CEP128: variants seen among roughly 807,000 people sequenced by gnomAD.
The protein encoded by CEP128 is centrosomal protein 128kDa.
A neutral mutation model predicts 156.7 loss-of-function variants in CEP128; 132 were observed. The ratio of observed to expected loss-of-function variants is 0.84; its 90% confidence interval spans 0.73 to 0.97. The LOEUF is 0.97. CEP128 is among the 50% of genes least tolerant of loss of function. The probability of loss-of-function intolerance (pLI) is 0.00; values close to 1 mark genes in which losing one functional copy is unlikely to be tolerated. For synonymous variants in CEP128, 469 were observed against 448.9 expected (o/e 1.04, Z -0.57); for missense variants, 1,252 against 1,281.9 (o/e 0.98, Z 0.36).
At chr14:80,560,617 A>G in intron 20 of CEP128, among the ~76,000 whole-genome samples, 1 of 152,120 alleles carries the variant, frequency 6.6e-6, no homozygotes, top group African/African-American at 2.4e-5. Flanking sequence ...CATTTTAGTC[A>G]GTGGGCTGAG....
chr14:80,593,554 A>AG (rs1892177725), intron 19 of CEP128, among the ~76,000 whole-genome samples: 1 of 151,188 alleles, frequency 6.6e-6, no homozygotes, highest in African/African-American at 2.4e-5. Flanking sequence ...CTCAAAAAAA[A>AG]AAAAAAAAAA....
At chr14:80,892,108 T>A (rs1207288213) in intron 8 of CEP128, among the ~76,000 whole-genome samples, 1 of 151,242 alleles carries the variant, frequency 6.6e-6, no homozygotes, top group Non-Finnish European at 1.5e-5. Flanking sequence ...CTAAAACAAT[T>A]CCAAGAATGA....
rs150305570 is a variant in CEP128, at chr14:80,559,589, G to T, written c.2857-287C>A. Among the ~76,000 whole-genome samples the T allele has an allele frequency of 2.9e-3, 439 of 152,206 alleles. 12 individuals carry two copies. The East Asian group carries it at 0.06, about 21-fold the overall frequency. On this transcript the variant is annotated intron_variant, in intron 20 of 24. Coordinates refer to ENST00000555265, the MANE Select transcript of CEP128 (RefSeq NM_152446.5). Reference sequence around the variant, plus strand: ...AATAGAACCTACCATTTTTGTAATGGTAAGATTATTTATAAGATGTAAAAT... The same window carrying T: ...AATAGAACCTACCATTTTTGTAATGTTAAGATTATTTATAAGATGTAAAAT...
intron 13 of CEP128, among the ~76,000 whole-genome samples, chr14:80,817,120 G>GC (rs1374105551): frequency 6.6e-6 from 1 of 152,076 alleles, no homozygotes; most frequent in Admixed American, 6.5e-5. Context: ...ATCCCAGACA[G>GC]CAATAGAGAC....
At chr14:80,651,101 T>G (rs1894883376) in intron 19 of CEP128, among the ~76,000 whole-genome samples, 1 of 152,138 alleles carries the variant, frequency 6.6e-6, no homozygotes, top group African/African-American at 2.4e-5. Context: ...TGAGAATTTG[T>G]TATTGGTCTA....
chr14:80,875,972 G>A lies in CEP128; in HGVS notation c.646-13099C>T, dbSNP rs374692235. 5.4e-4 allele frequency among the ~76,000 whole-genome samples: 82 copies of A among 152,064 alleles called. 2 individuals carry two copies. The South Asian group carries it at 9.1e-3, about 17-fold the overall frequency. On this transcript the variant is annotated intron_variant, in intron 8 of 24. Coordinates refer to ENST00000555265, the MANE Select transcript of CEP128 (RefSeq NM_152446.5). ...ACAAAATAGCATAAAAGTGAAAAGC[G>A]GGGTTTATGGAGTTGAGGTGCTATA...
Position 80,527,102 on chromosome 14 carries a change from T to G in CEP128, c.2959-120A>C. The G allele has an allele frequency of 5.1e-6, 3 of 582,914 alleles. No homozygotes were observed. In the South Asian group the frequency reaches 6.7e-5, roughly 13 times the overall value. 36.1% of individuals were successfully genotyped at this position (582,914 alleles called of 1,614,324 possible). ...ATGAAAATAAATAATTACAAAAATT[T>G]AGAGATATATAGGAGAATCACAGGC... On this transcript the variant is annotated intron_variant, in intron 22 of 24. Coordinates refer to ENST00000555265, the MANE Select transcript of CEP128 (RefSeq NM_152446.5).
At chr14:80,941,149 T>C (rs1222573933) in intron 1 of CEP128, among the ~76,000 whole-genome samples, 1 of 151,706 alleles carries the variant, frequency 6.6e-6, no homozygotes, top group African/African-American at 2.4e-5. Flanking sequence ...TTCCCGAGAG[T>C]AGCACGCTTT....
At chr14:80,608,418 T>C (rs1262572365) in intron 19 of CEP128, among the ~76,000 whole-genome samples, 1 of 152,178 alleles carries the variant, frequency 6.6e-6, no homozygotes, top group Non-Finnish European at 1.5e-5. Flanking sequence ...TTGAACTTTA[T>C]ACAACACAGA....
chr14:80,715,075 T>G (rs1422996818), intron 19 of CEP128, among the ~76,000 whole-genome samples: 1 of 151,864 alleles, frequency 6.6e-6, no homozygotes, highest in Non-Finnish European at 1.5e-5. Flanking sequence ...ATACAAAAAT[T>G]AGCTGGGAGT....
chr14:80,655,034 T>A (rs570363403), intron 19 of CEP128, among the ~76,000 whole-genome samples: 2 of 152,242 alleles, frequency 1.3e-5, no homozygotes, highest in Non-Finnish European at 2.9e-5. Flanking sequence ...CTCACCCTCT[T>A]TAGTTAGATG....
intron 19 of CEP128, among the ~76,000 whole-genome samples, chr14:80,654,482 G>A (rs942426544): frequency 3.3e-5 from 5 of 152,046 alleles, no homozygotes; most frequent in Admixed American, 2.6e-4. Context: ...AGGATACAAA[G>A]CCAAAATGGA....
intron 19 of CEP128, among the ~76,000 whole-genome samples, chr14:80,701,396 G>A (rs921379005): frequency 1.3e-5 from 2 of 152,086 alleles, no homozygotes; most frequent in Admixed American, 6.6e-5. Context: ...ACAGGGAAGC[G>A]CTGCCCAAGA....
chr14:80,602,599 G>A (rs533143079), intron 19 of CEP128, among the ~76,000 whole-genome samples: 3 of 152,112 alleles, frequency 2.0e-5, no homozygotes, highest in East Asian at 1.9e-4. Flanking sequence ...ATGAAACTCC[G>A]TCTCTTCTAA....
At chr14:80,730,655 C>T (rs575536173) in intron 19 of CEP128, among the ~76,000 whole-genome samples, 101 of 152,130 alleles carry the variant, frequency 6.6e-4, no homozygotes, top group Non-Finnish European at 1.3e-3. Flanking sequence ...ATAGTTGTTT[C>T]GTGGAATTTA....
At chr14:80,601,027 T>A (rs1262820779) in intron 19 of CEP128, among the ~76,000 whole-genome samples, 1 of 151,068 alleles carries the variant, frequency 6.6e-6, no homozygotes, top group African/African-American at 2.4e-5. Context: ...AGAAGAAAAA[T>A]CATTAAGGCA....
intron 19 of CEP128, among the ~76,000 whole-genome samples, chr14:80,699,920 GA>G (rs1010236545): frequency 2.0e-5 from 3 of 152,132 alleles, no homozygotes; most frequent in Non-Finnish European, 4.4e-5. Context: ...CTTAGGCAAG[GA>G]AGTAGTATAT....
chr14:80,708,133 T>C (rs1047734703), intron 19 of CEP128, among the ~76,000 whole-genome samples: 8 of 152,162 alleles, frequency 5.3e-5, no homozygotes, highest in Non-Finnish European at 4.4e-5. Flanking sequence ...CTATGGACAT[T>C]TGGTTATTTC....
chr14:80,513,209 C>A (rs76082655), intron 23 of CEP128, among the ~76,000 whole-genome samples: 7 of 152,096 alleles, frequency 4.6e-5, no homozygotes, highest in African/African-American at 1.7e-4. Context: ...GTCTTCATTT[C>A]CCCTTCACAT....
Sources: allele counts gnomAD v4.1 joint callset (sites outside exome capture counted in the v4.1 genomes callset), GRCh38; gene constraint gnomAD v4.1.1; transcripts MANE v1.5; gene names NCBI Gene and HGNC (gene_info 2026-07-23, HGNC 2026-07-21).